The following CDYL variants were observed in gnomAD, a reference collection of about 807,000 sequenced individuals.
CDYL encodes the protein chromodomain Y-like protein.
In CDYL, 8 loss-of-function variants were observed where a neutral mutation model predicts 47.3. The observed-to-expected ratio is 0.17, with a 90% confidence interval of 0.10 to 0.31. The LOEUF (loss-of-function observed/expected upper bound fraction) is 0.31. Among genes scored for constraint, CDYL ranks in the 10% least tolerant of loss-of-function variants. CDYL has a pLI of 1.00. For synonymous variants in CDYL, 266 were observed against 265.0 expected, an observed-to-expected ratio of 1.00 and a Z score of -0.04; for missense variants, 471 against 701.4, an observed-to-expected ratio of 0.67 and a Z score of 3.71.
chr6:4,739,542 G>GT (rs1757760511), intron 3 of CDYL, among the ~76,000 whole-genome samples: 2 of 143,630 alleles, frequency 1.4e-5, no homozygotes, highest in Admixed American at 7.1e-5. Context: ...AAAAAGTTGA[G>GT]TAAAAAAAAA....
At chr6:4,850,333 T>C (rs1435076222) in intron 1 of CDYL, among the ~76,000 whole-genome samples, 2 of 152,242 alleles carry the variant, frequency 1.3e-5, no homozygotes, top group Non-Finnish European at 2.9e-5. Flanking sequence ...CTTATACCTT[T>C]CACCGTTGCT....
At chr6:4,946,742 C>T (rs578061303) in intron 5 of CDYL, among the ~76,000 whole-genome samples, 89 of 152,206 alleles carry the variant, frequency 5.8e-4, no homozygotes, top group Non-Finnish European at 1.2e-3. Flanking sequence ...GTCCCGTGGT[C>T]GGGCGCTTTG....
At chr6:4,839,319 GTTAT>G (rs1760419613) in intron 1 of CDYL, among the ~76,000 whole-genome samples, 1 of 152,182 alleles carries the variant, frequency 6.6e-6, no homozygotes, top group African/African-American at 2.4e-5. Flanking sequence ...CTGGATGTTA[GTTAT>G]TTGTCAGATG....
At chr6:4,819,572 G>T (rs988438331) in intron 1 of CDYL, among the ~76,000 whole-genome samples, 2 of 152,162 alleles carry the variant, frequency 1.3e-5, no homozygotes, top group South Asian at 4.1e-4. Context: ...TGAGGCTCAG[G>T]TATCTGCAAT....
chr6:4,939,844 G>A (rs1008269590), intron 4 of CDYL, among the ~76,000 whole-genome samples: 3 of 152,120 alleles, frequency 2.0e-5, no homozygotes, highest in Non-Finnish European at 4.4e-5. Context: ...ATAATATCAC[G>A]CTGAATGTAC....
At chr6:4,770,105 G>A (rs1405982954) in intron 3 of CDYL, among the ~76,000 whole-genome samples, 1 of 152,074 alleles carries the variant, frequency 6.6e-6, no homozygotes, top group Non-Finnish European at 1.5e-5. Flanking sequence ...CCAAAGTGCT[G>A]GGATTACAGG....
intron 2 of CDYL, among the ~76,000 whole-genome samples, chr6:4,901,291 A>C (rs1757047384): frequency 6.6e-6 from 1 of 152,130 alleles, no homozygotes; most frequent in Non-Finnish European, 1.5e-5. Flanking sequence ...TTGTCGCTGC[A>C]TGTGCTACTA....
intron 1 of CDYL, among the ~76,000 whole-genome samples, chr6:4,803,508 A>C (rs1036756887): frequency 1.3e-5 from 2 of 152,092 alleles, no homozygotes; most frequent in African/African-American, 4.8e-5. Context: ...TTCTTTCAGG[A>C]TTCTCTCACC....
At chr6:4,887,500 T>G (rs1285089754) in intron 1 of CDYL, among the ~76,000 whole-genome samples, 1 of 152,186 alleles carries the variant, frequency 6.6e-6, no homozygotes, top group African/African-American at 2.4e-5. Flanking sequence ...AGAAATACAA[T>G]GCAGTTATTC....
chr6:4,893,442 C>T (rs1449372387), intron 2 of CDYL, among the ~76,000 whole-genome samples: 1 of 152,226 alleles, frequency 6.6e-6, no homozygotes, highest in Non-Finnish European at 1.5e-5. Context: ...CCTGTAGTCT[C>T]AACACTTTGG....
Position 4,954,960 on chromosome 6 carries a change from CAAAAT to C in CDYL, c.*911_*915del, listed in dbSNP as rs934816135. 2.2e-4 allele frequency: 34 copies of C among 152,048 alleles called. No individual in the cohort carries two copies. The highest frequency in any genetic ancestry group is 1.8e-3 in the Admixed American group (27 of 15,260). The allele number at this position is 152,048 out of a possible 1,614,324, so 9.4% of individuals were successfully genotyped here. ...TGCAGATATGATTGATGTATTTCACCAAAATAAAATATTTTTATGTTTATAAAGTG... is the reference window on the plus strand; with the variant it reads ...TGCAGATATGATTGATGTATTTCACCAAAATATTTTTATGTTTATAAAGTG... On this transcript the variant is annotated 3_prime_UTR_variant, in exon 7 of 7. Coordinates refer to ENST00000397588, the MANE Select transcript of CDYL (RefSeq NM_004824.4).
intron 2 of CDYL, among the ~76,000 whole-genome samples, chr6:4,895,659 T>G (rs1042365058): frequency 2.0e-5 from 3 of 152,100 alleles, no homozygotes; most frequent in Non-Finnish European, 4.4e-5. Flanking sequence ...CCAGTTTTGG[T>G]TGGAGACCAC....
chr6:4,932,382 G>T (rs1378972208), intron 2 of CDYL, among the ~76,000 whole-genome samples: 1 of 152,114 alleles, frequency 6.6e-6, no homozygotes, highest in African/African-American at 2.4e-5. Flanking sequence ...TCATTTATAA[G>T]GGCACTCATC....
chr6:4,796,617 G>A (rs1759079200), intron 1 of CDYL, among the ~76,000 whole-genome samples: 1 of 152,130 alleles, frequency 6.6e-6, no homozygotes, highest in South Asian at 2.1e-4. Flanking sequence ...TTGTATTAAG[G>A]TGTAGTGCCC....
intron 1 of CDYL, among the ~76,000 whole-genome samples, chr6:4,868,607 TGGAA>T (rs1378777976): frequency 1.3e-5 from 2 of 152,182 alleles, no homozygotes; most frequent in East Asian, 3.9e-4. Context: ...TGAGTGCACT[TGGAA>T]GGACCATTGT....
chr6:4,832,022 C>G (rs530418501), intron 1 of CDYL, among the ~76,000 whole-genome samples: 54 of 151,990 alleles, frequency 3.6e-4, no homozygotes, highest in African/African-American at 1.0e-3. Context: ...CATCTGCAAA[C>G]AGGGACAATT....
At chr6:4,916,013 C>T (rs1470203612) in intron 2 of CDYL, among the ~76,000 whole-genome samples, 1 of 152,230 alleles carries the variant, frequency 6.6e-6, no homozygotes, top group Non-Finnish European at 1.5e-5. Context: ...CTGGAAGCCT[C>T]CCCACCCCGC....
intron 1 of CDYL, among the ~76,000 whole-genome samples, chr6:4,827,993 C>T (rs2127452084): frequency 6.6e-6 from 1 of 152,314 alleles, no homozygotes; most frequent in African/African-American, 2.4e-5. Flanking sequence ...AGAAAAAGTA[C>T]ATTCAAAATT....
At chr6:4,719,541 A>T (rs1037532758) in intron 2 of CDYL, among the ~76,000 whole-genome samples, 16 of 152,162 alleles carry the variant, frequency 1.1e-4, no homozygotes, top group Admixed American at 5.9e-4. Context: ...AATCAACAGA[A>T]TATTCACTTT....
Sources: allele counts gnomAD v4.1 joint callset (sites outside exome capture counted in the v4.1 genomes callset), GRCh38; gene constraint gnomAD v4.1.1; transcripts MANE v1.5; gene names NCBI Gene and HGNC (gene_info 2026-07-23, HGNC 2026-07-21).